TNKS: variants seen among roughly 807,000 people sequenced by gnomAD.
The protein encoded by TNKS is tankyrase.
In TNKS, 72 loss-of-function variants were observed where a neutral mutation model predicts 135.8. The ratio of observed to expected loss-of-function variants is 0.53; its 90% CI spans 0.44 to 0.64. TNKS has a LOEUF of 0.64. Among genes scored for constraint, TNKS ranks in the 30% least tolerant of loss-of-function variants. The probability of loss-of-function intolerance (pLI) is 0.00; values close to 1 mark genes in which losing one functional copy is unlikely to be tolerated. For missense variants in TNKS, 1,769 were observed against 1,674.0 expected (o/e 1.06, Z -0.99); for synonymous variants, 849 against 649.3 (o/e 1.31, Z -4.68).
At chr8:9,729,771 C>CTTTTTTTTTTTTTTTTTTTTTTTTTTTT in intron 13 of TNKS, among the ~76,000 whole-genome samples, 1 of 95,016 alleles carries the variant, frequency 1.1e-5, no homozygotes, top group Non-Finnish European at 1.9e-5. Context: ...ATATGATATT[C>CTTTTTTTTTTTTTTTTTTTTTTTTTTTT]TTTTTTTTTT....
rs553561089 is a variant in TNKS, at chr8:9,649,007, A to T, written c.995-30944A>T. ...ACTTAGAAAGTAGTGTCATACATAA[A>T]CAGGATTAGTAAACACAGTTTTGGT... On this transcript the variant is annotated intron_variant, in intron 3 of 26. Coordinates refer to ENST00000310430, the MANE Select transcript of TNKS (RefSeq NM_003747.3). Among the ~76,000 whole-genome samples the T allele has an allele frequency of 5.3e-5, 8 of 152,302 alleles. No individual in the cohort carries two copies. The East Asian group carries it at 1.5e-3, about 29-fold the overall frequency.
intron 20 of TNKS, among the ~76,000 whole-genome samples, chr8:9,754,868 G>C (rs1359764898): frequency 6.6e-6 from 1 of 152,086 alleles, no homozygotes; most frequent in East Asian, 1.9e-4. Context: ...CCTCTGGTTT[G>C]GAGCTTTCTT....
At chr8:9,757,020 A>C (rs772550470) in intron 20 of TNKS, among the ~76,000 whole-genome samples, 10 of 152,084 alleles carry the variant, frequency 6.6e-5, no homozygotes, top group Non-Finnish European at 1.5e-4. Flanking sequence ...TCTGTTGCCC[A>C]GGCTGGAGTG....
At position 9,556,583 on chromosome 8, in the gene TNKS, G is replaced by C; in HGVS notation, c.644G>C (p.Arg215Pro). 6.2e-7 allele frequency: 1 copy of C among 1,613,798 alleles called. No individual in the cohort carries two copies. The highest frequency in any genetic ancestry group is 8.5e-7 in the Non-Finnish European group (1 of 1,180,040). Residue 215 changes from arginine (R) to proline (P), a missense_variant, in exon 1 of 27, where the codon CGG (arginine) becomes CCG (proline). This residue lies in a region of TNKS where 450 missense variants were observed against 304.9 expected (regional missense o/e 1.48). Coordinates refer to ENST00000310430, the MANE Select transcript of TNKS (RefSeq NM_003747.3). ...ANVNAKDMAG[R>P]KSSPLHFAAG... ...GTAAATGCAAAGGACATGGCCGGCC[G>C]GAAGTCTTCTCCCCTGCACTTCGCT... is the stretch of plus-strand genomic sequence containing the variant.
At chr8:9,677,002 G>C (rs1802568803) in intron 3 of TNKS, among the ~76,000 whole-genome samples, 1 of 152,064 alleles carries the variant, frequency 6.6e-6, no homozygotes, top group Admixed American at 6.5e-5. Flanking sequence ...AATATTTTCA[G>C]ATTCTCAGCT....
chr8:9,674,765 C>G (rs1426456380), intron 3 of TNKS, among the ~76,000 whole-genome samples: 1 of 152,052 alleles, frequency 6.6e-6, no homozygotes. Context: ...GGTCAAGGTT[C>G]CAGGAGACAA....
intron 2 of TNKS, among the ~76,000 whole-genome samples, chr8:9,606,349 T>C (rs992456647): frequency 3.3e-5 from 5 of 151,990 alleles, no homozygotes; most frequent in Non-Finnish European, 5.9e-5. Context: ...AGTTTTTCAA[T>C]TGGAAGTTAT....
rs1205166910 is a variant in TNKS, at chr8:9,733,453, T to A, written c.2313+9T>A. 6.2e-7 allele frequency: 1 copy of A among 1,605,896 alleles called. No homozygotes were observed. The highest frequency in any genetic ancestry group is 2.2e-5 in the East Asian group (1 of 44,724). ...GCAAGCTCCTTTTAAAAGTATGTAG[T>A]TTAAAAAGTTATGAAATATAACTAA... On this transcript the variant is annotated intron_variant, in intron 15 of 26. Transcript: ENST00000310430.
At chr8:9,717,949 T>C (rs924135326) in intron 11 of TNKS, among the ~76,000 whole-genome samples, 3 of 152,018 alleles carry the variant, frequency 2.0e-5, no homozygotes, top group Non-Finnish European at 4.4e-5. Flanking sequence ...ACAGGCAAAA[T>C]ACAAACAATA....
At chr8:9,590,092 C>T (rs1798535297) in intron 2 of TNKS, among the ~76,000 whole-genome samples, 1 of 152,314 alleles carries the variant, frequency 6.6e-6, no homozygotes, top group Middle Eastern at 3.4e-3. Flanking sequence ...CGAAGCTGCC[C>T]ATGATTAGAT....
In TNKS at chr8:9,555,993, C is replaced by A; in HGVS notation, c.54C>A (p.Leu18=). 1 of 1,613,414 alleles carries A rather than the reference C, an allele frequency of 6.2e-7. No homozygotes were observed. The highest frequency in any genetic ancestry group is 1.3e-5 in the African/African-American group (1 of 75,052). The change falls in exon 1 of 27, where the codon CTC becomes CTA. Residue 18 remains leucine, a synonymous_variant. Transcript: ENST00000310430. ...QHHHHHHQQQ[L]QPAPGASAPP... Reference sequence around the variant, plus strand: ...ATCACCACCATCATCAACAACAGCTCCAGCCCGCCCCAGGGGCTTCAGCGC... The same window carrying A: ...ATCACCACCATCATCAACAACAGCTACAGCCCGCCCCAGGGGCTTCAGCGC...
chr8:9,734,817 T>A, intron 15 of TNKS, 48 bp from the exon 16 acceptor site: 1 of 1,508,252 alleles, frequency 6.6e-7, no homozygotes, highest in Non-Finnish European at 9.1e-7. Context: ...CCTACCTACC[T>A]ACTTACTACA....
intron 3 of TNKS, among the ~76,000 whole-genome samples, chr8:9,665,928 C>T (rs1264955857): frequency 1.3e-4 from 20 of 152,168 alleles, no homozygotes; most frequent in Non-Finnish European, 2.9e-5. Context: ...AACCTCATTC[C>T]TACCTCTCTT....
At chr8:9,569,759 C>T (rs969678653) in intron 1 of TNKS, among the ~76,000 whole-genome samples, 3 of 152,192 alleles carry the variant, frequency 2.0e-5, no homozygotes, top group African/African-American at 7.2e-5. Context: ...TTGGCATTCA[C>T]TGTTTGGCAT....
rs1047054424 is a variant in TNKS at position 9,641,734 on chromosome 8, C to T, written c.994+26057C>T. 4.8e-5 allele frequency among the ~76,000 whole-genome samples: 7 copies of T among 144,364 alleles called. 1 individual carries two copies. The highest frequency in any genetic ancestry group is 4.4e-4 in the Admixed American group (6 of 13,568). The allele number at this position is 144,364 out of a possible 152,430, so 94.7% of individuals were successfully genotyped here. A position where few individuals can be genotyped will look rare whatever the true frequency, so the allele number is the denominator to read the frequency against. On this transcript the variant is annotated intron_variant, in intron 3 of 26. Coordinates refer to ENST00000310430, the MANE Select transcript of TNKS (RefSeq NM_003747.3). ...TCAATAATAATGATTTACATAGAAC[C>T]ACCTGATGGCCAGTTATGATGATAT...
intron 1 of TNKS, among the ~76,000 whole-genome samples, chr8:9,561,883 C>T (rs1053849788): frequency 2.6e-5 from 4 of 152,170 alleles, no homozygotes; most frequent in Non-Finnish European, 4.4e-5. Context: ...ATGGTGCGAT[C>T]TTGGCTCACT....
intron 2 of TNKS, among the ~76,000 whole-genome samples, chr8:9,601,623 G>C (rs1799019048): frequency 6.6e-6 from 1 of 152,016 alleles, no homozygotes; most frequent in Admixed American, 6.5e-5. Flanking sequence ...TTTTGCCTTT[G>C]CGTTCAATGG....
chr8:9,558,581 A>T (rs1797187295), intron 1 of TNKS: 2 of 152,204 alleles, frequency 1.3e-5, no homozygotes, highest in African/African-American at 4.8e-5. Context: ...TATGTGTATT[A>T]ATGTATTTAG....
chr8:9,735,754 C>T (rs1392971424), intron 17 of TNKS, among the ~76,000 whole-genome samples: 2 of 151,870 alleles, frequency 1.3e-5, no homozygotes, highest in Non-Finnish European at 2.9e-5. Context: ...GAGCCCAGAT[C>T]GCGCCACTGC....
Sources: gnomAD v4.1 joint callset for allele counts (sites outside exome capture counted in the v4.1 genomes callset) on GRCh38, gnomAD v4.1.1 for gene constraint, gnomAD v4.1.1 regional missense constraint, MANE v1.5 for transcripts, NCBI Gene and HGNC (gene_info 2026-07-23, HGNC 2026-07-21) for gene names.